The following IL6R variants were observed in gnomAD, a reference collection of about 807,000 sequenced individuals.
IL6R encodes interleukin 6 receptor.
A neutral mutation model predicts 48.3 loss-of-function variants in IL6R; 38 were observed. That is an observed-to-expected ratio of 0.79 (90% CI 0.61 to 1.03). The LOEUF is 1.03. IL6R is among the 50% of genes least tolerant of loss of function. The probability of loss-of-function intolerance (pLI) is 0.00; values close to 1 mark genes in which losing one functional copy is unlikely to be tolerated. For synonymous variants in IL6R, 264 were observed against 256.2 expected, an observed-to-expected ratio of 1.03 and a Z score of -0.29; for missense variants, 534 against 618.3, an observed-to-expected ratio of 0.86 and a Z score of 1.45.
At chr1:154,426,919 AT>A (rs397825571) in intron 1 of IL6R, among the ~76,000 whole-genome samples, 158 of 143,076 alleles carry the variant, frequency 1.1e-3, no homozygotes, top group Middle Eastern at 3.5e-3. Flanking sequence ...GGGACTCAGA[AT>A]TTTTTTTTTT....
chr1:154,429,216 A>G lies in IL6R; in HGVS notation c.106A>G (p.Thr36Ala), dbSNP rs766474176. ...PAQEVARGVL[T>A]SLPGDSVTLT... The stretch of plus-strand genomic sequence containing the variant: ...TCCAGAGGTGGCGAGAGGCGTGCTG[A>G]CCAGTCTGCCAGGAGACAGCGTGAC... The change falls in exon 2 of 10, where the codon ACC becomes GCC. Residue 36 changes from threonine (T) to alanine (A), a missense_variant. Physicochemically the swap from Thr to Ala is moderately conservative, Grantham distance 58 (BLOSUM62 0). Coordinates refer to ENST00000368485, the MANE Select transcript of IL6R (RefSeq NM_000565.4). 7.4e-6 allele frequency: 12 copies of G among 1,613,066 alleles called. No individual in the cohort carries two copies. The highest frequency in any genetic ancestry group is 5.0e-5 in the Admixed American group (3 of 59,964).
chr1:154,456,487 G>GT (rs1251623105), intron 9 of IL6R, among the ~76,000 whole-genome samples: 1 of 152,126 alleles, frequency 6.6e-6, no homozygotes, highest in African/African-American at 2.4e-5. Context: ...GATTACAGGC[G>GT]TGAGCCACTG....
chr1:154,430,585 C>T lies in IL6R; in HGVS notation c.437C>T (p.Ala146Val). The change falls in exon 3 of 10, where the codon GCT becomes GTT. Residue 146 changes from alanine (A) to valine (V), a missense_variant. Coordinates refer to ENST00000368485, the MANE Select transcript of IL6R (RefSeq NM_000565.4). Reference protein sequence around the residue: ...PRSTPSLTTKAVLLVRKFQNS... With the variant: ...PRSTPSLTTKVVLLVRKFQNS... Reference sequence around the variant, plus strand: ...AGCACCCCATCCCTGACGACAAAGGCTGTGCTCTTGGTGAGGAAGTTGTAA... The same window carrying T: ...AGCACCCCATCCCTGACGACAAAGGTTGTGCTCTTGGTGAGGAAGTTGTAA... 1 of 1,614,232 alleles carries T rather than the reference C, an allele frequency of 6.2e-7. No homozygotes were observed. Among genetic ancestry groups the T allele is most frequent in the Non-Finnish European group, 8.5e-7 (1 of 1,180,034 alleles).
chr1:154,439,848 C>T (rs1161932579), intron 6 of IL6R, among the ~76,000 whole-genome samples: 1 of 152,144 alleles, frequency 6.6e-6, no homozygotes, highest in Non-Finnish European at 1.5e-5. Flanking sequence ...TGCTTGCTTG[C>T]ATGCCTGCCT....
At chr1:154,463,846 ATCTC>A (rs1691394045) in intron 9 of IL6R, among the ~76,000 whole-genome samples, 1 of 152,186 alleles carries the variant, frequency 6.6e-6, no homozygotes, top group South Asian at 2.1e-4. Context: ...AAAGATGTCT[ATCTC>A]CTTCCTGTGT....
At chr1:154,416,778 C>T (rs1688382116) in intron 1 of IL6R, among the ~76,000 whole-genome samples, 1 of 152,120 alleles carries the variant, frequency 6.6e-6, no homozygotes, top group African/African-American at 2.4e-5. Context: ...AGTGTTATGG[C>T]AGAGTGACAC....
At chr1:154,438,927 G>A (rs1570971207) in intron 6 of IL6R, among the ~76,000 whole-genome samples, 1 of 152,210 alleles carries the variant, frequency 6.6e-6, no homozygotes, top group Non-Finnish European at 1.5e-5. Flanking sequence ...TGGACAAGGA[G>A]TGGGGCCTAA....
Position 154,465,504 on chromosome 1 carries a change from A to G in IL6R, c.*124A>G, listed in dbSNP as rs1691514846. Reference sequence around the variant, plus strand: ...GGTGTGCGGCCTTTGGCTTCACGGAAGAGCCTTGCGGAAGGTTCTACGCCA... The same window carrying G: ...GGTGTGCGGCCTTTGGCTTCACGGAGGAGCCTTGCGGAAGGTTCTACGCCA... On this transcript the variant is annotated 3_prime_UTR_variant, in exon 10 of 10. Coordinates refer to ENST00000368485, the MANE Select transcript of IL6R (RefSeq NM_000565.4). 1 of 1,156,106 alleles carries G rather than the reference A, an allele frequency of 8.6e-7. No individual in the cohort carries two copies. Among genetic ancestry groups the G allele is most frequent in the African/African-American group, 1.5e-5 (1 of 65,770 alleles). 71.6% of individuals were successfully genotyped at this position (1,156,106 alleles called of 1,614,324 possible). A position where few individuals can be genotyped will look rare whatever the true frequency, so the allele number is the denominator to read the frequency against.
At chr1:154,413,551 A>G (rs753312932) in intron 1 of IL6R, among the ~76,000 whole-genome samples, 2 of 152,012 alleles carry the variant, frequency 1.3e-5, no homozygotes, top group Non-Finnish European at 2.9e-5. Flanking sequence ...CCAAAAGTGT[A>G]CTATTAACCT....
intron 1 of IL6R, among the ~76,000 whole-genome samples, chr1:154,425,140 T>TG (rs1337066494): frequency 1.3e-5 from 2 of 152,162 alleles, no homozygotes; most frequent in African/African-American, 4.8e-5. Flanking sequence ...GCCCAGGGTG[T>TG]GGCGCCGGGC....
rs1254033245 is a variant in IL6R at position 154,429,176 on chromosome 1, G to A, written c.86-20G>A. The A allele has an allele frequency of 3.5e-5, 56 of 1,600,462 alleles. No homozygotes were observed. The highest frequency in any genetic ancestry group is 4.7e-5 in the Non-Finnish European group (55 of 1,169,052). On this transcript the variant is annotated intron_variant, in intron 1 of 9. Transcript: ENST00000368485. Reference sequence around the variant, plus strand: ...TCTTCAGTGGCTGTGGGCTCACCAAGTGTCTTCTCCCTCCTCCAGAGGTGG... The same window carrying A: ...TCTTCAGTGGCTGTGGGCTCACCAAATGTCTTCTCCCTCCTCCAGAGGTGG...
intron 1 of IL6R, among the ~76,000 whole-genome samples, chr1:154,412,265 T>C (rs1688069723): frequency 1.3e-5 from 2 of 149,768 alleles, no homozygotes; most frequent in African/African-American, 4.9e-5. Context: ...TTTTTTGTTT[T>C]TGTTTTGAGA....
Position 154,465,495 on chromosome 1 carries a change from C to A in IL6R, c.*115C>A. ...TATCTCAGGGGTGTGCGGCCTTTGG[C>A]TTCACGGAAGAGCCTTGCGGAAGGT... On this transcript the variant is annotated 3_prime_UTR_variant, in exon 10 of 10. Coordinates refer to ENST00000368485, the MANE Select transcript of IL6R (RefSeq NM_000565.4). 1 of 1,250,526 alleles carries A rather than the reference C, an allele frequency of 8.0e-7. No homozygotes were observed. The highest frequency in any genetic ancestry group is 1.1e-6 in the Non-Finnish European group (1 of 876,894). 77.5% of individuals were successfully genotyped at this position (1,250,526 alleles called of 1,614,324 possible). A position where few individuals can be genotyped will look rare whatever the true frequency, so the allele number is the denominator to read the frequency against.
chr1:154,445,110 T>C (rs974058109), intron 6 of IL6R: 2 of 456,122 alleles, frequency 4.4e-6, no homozygotes, highest in Admixed American at 2.3e-5. Context: ...TCATTTCTCC[T>C]CAGGAGGCTC....
At chr1:154,451,022 G>A (rs548850303) in intron 8 of IL6R, among the ~76,000 whole-genome samples, 7 of 152,350 alleles carry the variant, frequency 4.6e-5, no homozygotes, top group African/African-American at 1.2e-4. Flanking sequence ...TACAGTCCAG[G>A]CTCTGACAAA....
At chr1:154,453,318 G>A (rs945813653) in intron 8 of IL6R, among the ~76,000 whole-genome samples, 6 of 152,238 alleles carry the variant, frequency 3.9e-5, no homozygotes, top group African/African-American at 1.4e-4. Context: ...GGACATGCTT[G>A]GAGAAACTTG....
intron 8 of IL6R, chr1:154,454,079 C>A: frequency 4.7e-6 from 1 of 211,710 alleles, no homozygotes; most frequent in Non-Finnish European, 9.7e-6. Flanking sequence ...AAAGGAACTG[C>A]CATCAAGGAG....
chr1:154,460,572 G>C (rs967186004), intron 9 of IL6R, among the ~76,000 whole-genome samples: 3 of 152,114 alleles, frequency 2.0e-5, no homozygotes, highest in African/African-American at 7.2e-5. Context: ...AAAAATATAT[G>C]TCATCCAAAG....
intron 8 of IL6R, chr1:154,454,230 C>T (rs1571000894): frequency 3.9e-6 from 2 of 517,294 alleles, no homozygotes; most frequent in Non-Finnish European, 7.0e-6. Flanking sequence ...TGAGGTGTCT[C>T]TCTTGCCAAG....
Sources: gnomAD v4.1 joint callset for allele counts (sites outside exome capture counted in the v4.1 genomes callset) on GRCh38, gnomAD v4.1.1 for gene constraint, MANE v1.5 for transcripts, NCBI Gene and HGNC (gene_info 2026-07-23, HGNC 2026-07-21) for gene names.